DENND5B: variants seen among roughly 807,000 people sequenced by gnomAD.
DENND5B encodes the protein DENN domain containing 5B.
In DENND5B, 34 loss-of-function variants were observed where a neutral mutation model predicts 140.6. That is an observed-to-expected ratio of 0.24 (90% confidence interval 0.18 to 0.32). The LOEUF (loss-of-function observed/expected upper bound fraction) is 0.32. Among genes scored for constraint, DENND5B ranks in the 10% least tolerant of loss-of-function variants. The pLI, the probability that DENND5B is intolerant of heterozygous loss-of-function variation, is 1.00. For missense variants in DENND5B, 1,142 were observed against 1,560.2 expected, an observed-to-expected ratio of 0.73 and a Z score of 4.52; for synonymous variants, 551 against 562.1, an observed-to-expected ratio of 0.98 and a Z score of 0.28.
chr12:31,525,167 C>T lies in DENND5B; in HGVS notation c.128-29248G>A, dbSNP rs114946127. Reference sequence around the variant, plus strand: ...ATAATAACTGCTTTGAAAAAGTCTGCTAATTCTTCAAGTGGTTAAACATAG... The same window carrying T: ...ATAATAACTGCTTTGAAAAAGTCTGTTAATTCTTCAAGTGGTTAAACATAG... On this transcript the variant is annotated intron_variant, in intron 1 of 20. Transcript: ENST00000389082. Among the ~76,000 whole-genome samples, 631 of 152,278 alleles carry T rather than the reference C, an allele frequency of 4.1e-3. 5 individuals carry two copies. Among genetic ancestry groups the T allele is most frequent in the African/African-American group, 0.014 (575 of 41,536 alleles).
intron 1 of DENND5B, among the ~76,000 whole-genome samples, chr12:31,581,693 CAAAA>C (rs139320385): frequency 2.5e-5 from 3 of 119,070 alleles, no homozygotes. Context: ...AACTCTGTCT[CAAAA>C]AAAAAAAAAA....
At chr12:31,555,298 T>C (rs1949235974) in intron 1 of DENND5B, among the ~76,000 whole-genome samples, 2 of 152,214 alleles carry the variant, frequency 1.3e-5, no homozygotes, top group African/African-American at 2.4e-5. Flanking sequence ...TGCAGGTCTG[T>C]TGGAGTTTGC....
chr12:31,567,317 CAA>C (rs113948267), intron 1 of DENND5B, among the ~76,000 whole-genome samples: 5 of 142,394 alleles, frequency 3.5e-5, no homozygotes, highest in Non-Finnish European at 1.5e-5. Context: ...GACCTTGTCT[CAA>C]AAAAAAAAAA....
At chr12:31,561,504 C>T (rs1324958728) in intron 1 of DENND5B, among the ~76,000 whole-genome samples, 1 of 152,086 alleles carries the variant, frequency 6.6e-6, no homozygotes, top group Non-Finnish European at 1.5e-5. Flanking sequence ...CACATGCCTG[C>T]AACAGTTCAT....
intron 1 of DENND5B, among the ~76,000 whole-genome samples, chr12:31,542,431 C>T (rs1948712775): frequency 1.3e-5 from 2 of 152,068 alleles, no homozygotes; most frequent in East Asian, 1.9e-4. Context: ...ATGAATAAGA[C>T]CTAGTATTTG....
At chr12:31,393,025 G>C (rs1441076094) in intron 17 of DENND5B, among the ~76,000 whole-genome samples, 1 of 152,206 alleles carries the variant, frequency 6.6e-6, no homozygotes, top group Non-Finnish European at 1.5e-5. Context: ...AAACTGGTAA[G>C]TTATAGGAGT....
chr12:31,426,782 G>T, intron 8 of DENND5B: 1 of 225,880 alleles, frequency 4.4e-6, no homozygotes, highest in Non-Finnish European at 8.9e-6. Context: ...CAAATCCAAG[G>T]TTCTGCAGGA....
intron 1 of DENND5B, among the ~76,000 whole-genome samples, chr12:31,582,763 G>A (rs7974437): frequency 0.71 from 107,430 of 152,138 alleles, 38,115 homozygotes; most frequent in East Asian, 0.83. Flanking sequence ...AGAGGAATAA[G>A]AAGATAATTT....
chr12:31,394,499 C>T (rs554775632), intron 17 of DENND5B, among the ~76,000 whole-genome samples: 1 of 152,218 alleles, frequency 6.6e-6, no homozygotes, highest in Non-Finnish European at 1.5e-5. Context: ...AATTAAAATT[C>T]ACCATGTAAT....
rs774028916 is a variant in DENND5B at position 31,424,702 on chromosome 12, T to C, written c.2239-15A>G. 6.1e-5 allele frequency: 98 copies of C among 1,613,322 alleles called. No individual in the cohort carries two copies. Among genetic ancestry groups the C allele is most frequent in the Middle Eastern group, 3.3e-4 (2 of 6,080 alleles). On this transcript the variant is annotated splice_polypyrimidine_tract_variant and intron_variant, in intron 9 of 20. Transcript: ENST00000389082. The stretch of plus-strand genomic sequence containing the variant: ...ATGCGCTTTGTCTAAGAATATCACG[T>C]GTAGTCATAAGGCACCCCAGCAGTG...
chr12:31,579,428 G>T (rs1044406603), intron 1 of DENND5B, among the ~76,000 whole-genome samples: 2 of 152,074 alleles, frequency 1.3e-5, no homozygotes, highest in African/African-American at 4.8e-5. Flanking sequence ...TTGGGTAGCC[G>T]AGGGGGGTGA....
At chr12:31,517,596 T>C (rs1758968551) in intron 1 of DENND5B, among the ~76,000 whole-genome samples, 1 of 152,242 alleles carries the variant, frequency 6.6e-6, no homozygotes, top group South Asian at 2.1e-4. Context: ...TACTAACGAT[T>C]GTATTTGGAC....
At chr12:31,402,476 G>A (rs756391191) in intron 15 of DENND5B, 22 bp downstream of exon 15, 3 of 1,597,904 alleles carry the variant, frequency 1.9e-6, no homozygotes, top group Non-Finnish European at 2.6e-6. Context: ...ATTCTTCTAG[G>A]AAAGGTATTA....
At chr12:31,547,996 G>C (rs371677743) in intron 1 of DENND5B, among the ~76,000 whole-genome samples, 3 of 152,048 alleles carry the variant, frequency 2.0e-5, no homozygotes, top group Non-Finnish European at 4.4e-5. Flanking sequence ...GTGAGCCACC[G>C]CACCCAGCCT....
intron 8 of DENND5B, among the ~76,000 whole-genome samples, chr12:31,431,044 T>C (rs941560996): frequency 6.6e-6 from 1 of 152,178 alleles, no homozygotes; most frequent in Non-Finnish European, 1.5e-5. Flanking sequence ...ATGAAAAATA[T>C]AGGAGAGAGA....
In DENND5B at chr12:31,470,966, T is replaced by C. The variant is rs78314325; in HGVS notation, c.904+8623A>G. Reference sequence around the variant, plus strand: ...AAAAGTAACTAATGGAATTTAGAGATGAATCCACCTCCCAGGGAGTGGGAT... The same window carrying C: ...AAAAGTAACTAATGGAATTTAGAGACGAATCCACCTCCCAGGGAGTGGGAT... On this transcript the variant is annotated intron_variant, in intron 3 of 20. Transcript: ENST00000389082. 5.4e-3 allele frequency among the ~76,000 whole-genome samples: 820 copies of C among 152,298 alleles called. 3 individuals carry two copies. The highest frequency in any genetic ancestry group is 0.019 in the African/African-American group (789 of 41,580).
chr12:31,462,564 C>T (rs1474847796), intron 3 of DENND5B, among the ~76,000 whole-genome samples: 1 of 152,116 alleles, frequency 6.6e-6, no homozygotes, highest in Non-Finnish European at 1.5e-5. Flanking sequence ...ACCCATAAAG[C>T]ATAGGGCCCA....
At chr12:31,390,574 T>G (rs1565532934) in intron 19 of DENND5B, among the ~76,000 whole-genome samples, 1 of 152,016 alleles carries the variant, frequency 6.6e-6, no homozygotes, top group Non-Finnish European at 1.5e-5. Context: ...AGGCAGAGGC[T>G]GCGGTGACCC....
rs1310590564 is a variant in DENND5B at position 31,442,836 on chromosome 12, C to T, written c.1951G>A (p.Glu651Lys). Residue 651 changes from glutamate to lysine, a missense_variant, in exon 7 of 21, where the codon GAG becomes AAG. Glu to Lys is a moderately conservative substitution (Grantham distance 56, BLOSUM62 1). Transcript: ENST00000389082. Reference sequence around the variant, plus strand: ...TGTAACTTTGGAAAGAACCCCTGCTCATATTTGCCTTGACCAATTTTCATA... The same window carrying T: ...TGTAACTTTGGAAAGAACCCCTGCTTATATTTGCCTTGACCAATTTTCATA... ...LDMKIGQGKYEQGFFPKLQSD... is the reference protein window; with the variant it reads ...LDMKIGQGKYKQGFFPKLQSD... The T allele has an allele frequency of 6.2e-7, 1 of 1,613,634 alleles. No homozygotes were observed. Among genetic ancestry groups the T allele is most frequent in the Non-Finnish European group, 8.5e-7 (1 of 1,179,784 alleles).
Sources: allele counts gnomAD v4.1 joint callset (sites outside exome capture counted in the v4.1 genomes callset), GRCh38; gene constraint gnomAD v4.1.1; transcripts MANE v1.5; gene names NCBI Gene and HGNC (gene_info 2026-07-23, HGNC 2026-07-21).